Variants in VPS13B observed in about 807,000 individuals in gnomAD.
VPS13B encodes intermembrane lipid transfer protein VPS13B.
A neutral mutation model predicts 426.4 loss-of-function variants in VPS13B; 285 were observed. The ratio of observed to expected loss-of-function variants is 0.67; its 90% CI spans 0.61 to 0.74. VPS13B has a LOEUF of 0.74. VPS13B is among the 30% of genes least tolerant of loss of function. VPS13B has a pLI of 0.00. For synonymous variants in VPS13B, 1,676 were observed against 1,676.4 expected, an observed-to-expected ratio of 1.00 and a Z score of 0.01; for missense variants, 4,537 against 4,782.6, an observed-to-expected ratio of 0.95 and a Z score of 1.51.
At chr8:99,701,830 TCAAA>T (rs1389790119) in intron 36 of VPS13B, among the ~76,000 whole-genome samples, 1 of 152,124 alleles carries the variant, frequency 6.6e-6, no homozygotes, top group African/African-American at 2.4e-5. Context: ...TTATGCATAC[TCAAA>T]CAGTTTAGGA....
At chr8:99,694,370 C>G (rs1831849228) in intron 35 of VPS13B, among the ~76,000 whole-genome samples, 1 of 2,352 alleles carries the variant, frequency 4.3e-4, no homozygotes, top group South Asian at 6.8e-3. Flanking sequence ...TGGAACAGAA[C>G]AGAGCCCTCA....
At chr8:99,123,795 A>G (rs1848062262) in intron 8 of VPS13B, among the ~76,000 whole-genome samples, 1 of 152,170 alleles carries the variant, frequency 6.6e-6, no homozygotes, top group Non-Finnish European at 1.5e-5. Flanking sequence ...TTAAACAACT[A>G]GAAGAGTTGA....
intron 54 of VPS13B, among the ~76,000 whole-genome samples, chr8:99,846,891 C>T (rs1406114443): frequency 2.6e-5 from 4 of 152,244 alleles, no homozygotes; most frequent in Non-Finnish European, 5.9e-5. Flanking sequence ...TCTAAGGGGT[C>T]CTGAAGTTAT....
chr8:99,135,824 T>G (rs943814200), intron 11 of VPS13B, 91 bp downstream of exon 11: 9 of 1,529,190 alleles, frequency 5.9e-6, no homozygotes, highest in African/African-American at 1.4e-5. Context: ...TCTTTTCAAA[T>G]AATGCCTTCT....
intron 33 of VPS13B, among the ~76,000 whole-genome samples, chr8:99,620,491 G>A (rs929768573): frequency 3.3e-5 from 5 of 152,096 alleles, no homozygotes; most frequent in African/African-American, 9.7e-5. Context: ...GAGAAATAAA[G>A]GGTGGGAGGG....
At position 99,467,486 on chromosome 8, in the gene VPS13B, T is replaced by A. The variant is rs745918923; in HGVS notation, c.3518T>A (p.Leu1173His). 6.2e-7 allele frequency: 1 copy of A among 1,613,810 alleles called. No homozygotes were observed. Among genetic ancestry groups the A allele is most frequent in the African/African-American group, 1.3e-5 (1 of 75,010 alleles). The stretch of plus-strand genomic sequence containing the variant: ...ACCCTTCTTGGAAAACAAGTGACAC[T>A]TTGCCTAGTGGAACCTATGGGTTGC... ...IYTLLGKQVT[L>H]CLVEPMGCTS... Residue 1173 changes from leucine to histidine, a missense_variant, in exon 24 of 62, where the codon CTT becomes CAT. Leu to His is a moderately conservative substitution (Grantham distance 99). This residue lies in a region of VPS13B where 4,311 missense variants were observed against 4,474.3 expected (regional missense o/e 0.96). Coordinates refer to ENST00000357162, the MANE Select transcript of VPS13B (RefSeq NM_152564.5).
At chr8:99,497,222 C>T (rs1820964743) in intron 25 of VPS13B, among the ~76,000 whole-genome samples, 1 of 129,920 alleles carries the variant, frequency 7.7e-6, no homozygotes, top group Non-Finnish European at 1.6e-5. Flanking sequence ...TATATAAATA[C>T]ATGTATTTAT....
chr8:99,498,426 GATGAGTTA>G (rs113324040), intron 25 of VPS13B, among the ~76,000 whole-genome samples: 39,490 of 151,358 alleles, frequency 0.26, 5,823 homozygotes, highest in East Asian at 0.44. Flanking sequence ...TAATGTAAAT[GATGAGTTA>G]ATGAGTTAAT....
At chr8:99,164,207 G>T (rs1039788799) in intron 15 of VPS13B, among the ~76,000 whole-genome samples, 4 of 152,132 alleles carry the variant, frequency 2.6e-5, no homozygotes, top group African/African-American at 7.2e-5. Context: ...CTCGATTCTA[G>T]AGGAAACAAA....
chr8:99,864,111 A>G (rs901033545), intron 58 of VPS13B, among the ~76,000 whole-genome samples: 1 of 152,246 alleles, frequency 6.6e-6, no homozygotes, highest in African/African-American at 2.4e-5. Context: ...CAAGAAGAAC[A>G]AAGAGCGGAG....
chr8:99,679,124 T>C (rs2129960465), intron 35 of VPS13B, among the ~76,000 whole-genome samples: 1 of 152,326 alleles, frequency 6.6e-6, no homozygotes, highest in Non-Finnish European at 1.5e-5. Context: ...CTGGAATAGT[T>C]TCCCTTTCAT....
chr8:99,872,896 T>C (rs1817499417), intron 61 of VPS13B, among the ~76,000 whole-genome samples: 3 of 152,178 alleles, frequency 2.0e-5, no homozygotes, highest in Admixed American at 2.0e-4. Context: ...TTAAGATTTC[T>C]CTAGTTTCTT....
At chr8:99,789,968 G>A (rs955327801) in intron 43 of VPS13B, among the ~76,000 whole-genome samples, 6 of 151,732 alleles carry the variant, frequency 4.0e-5, no homozygotes, top group African/African-American at 1.5e-4. Context: ...TTCTTATTAA[G>A]GAGAAAGAAA....
chr8:99,086,014 A>G (rs187281107), intron 3 of VPS13B, among the ~76,000 whole-genome samples: 1 of 152,268 alleles, frequency 6.6e-6, no homozygotes, highest in East Asian at 1.9e-4. Context: ...CTGCCTTGCT[A>G]GATTGGGGAA....
intron 31 of VPS13B, among the ~76,000 whole-genome samples, chr8:99,561,147 C>G (rs1404285107): frequency 1.3e-5 from 2 of 152,128 alleles, no homozygotes; most frequent in African/African-American, 4.8e-5. Flanking sequence ...TTTCTTCACC[C>G]CAAAGTAAAA....
intron 34 of VPS13B, among the ~76,000 whole-genome samples, chr8:99,649,138 T>G (rs1346181095): frequency 6.6e-6 from 1 of 152,170 alleles, no homozygotes; most frequent in Non-Finnish European, 1.5e-5. Flanking sequence ...CTAGCTGTTT[T>G]CAAGACACCT....
At chr8:99,157,260 GTA>G (rs1811413143) in intron 15 of VPS13B, among the ~76,000 whole-genome samples, 2 of 149,518 alleles carry the variant, frequency 1.3e-5, no homozygotes, top group African/African-American at 2.5e-5. Flanking sequence ...TTGTGTGTGT[GTA>G]TGTGTGTGTG....
chr8:99,635,045 C>G (rs925475637), intron 33 of VPS13B, among the ~76,000 whole-genome samples: 4 of 151,904 alleles, frequency 2.6e-5, no homozygotes, highest in Non-Finnish European at 4.4e-5. Context: ...ACCACCCCAC[C>G]CTACCTCATC....
chr8:99,682,086 A>G (rs1667635), intron 35 of VPS13B, among the ~76,000 whole-genome samples: 20,772 of 152,306 alleles, frequency 0.14, 1,967 homozygotes, highest in East Asian at 0.39. Context: ...ATGCTGCTGA[A>G]GTTATTAAAG....
Sources: allele counts gnomAD v4.1 joint callset (sites outside exome capture counted in the v4.1 genomes callset), GRCh38; gene constraint gnomAD v4.1.1; regional missense constraint gnomAD v4.1.1; transcripts MANE v1.5; gene names NCBI Gene and HGNC (gene_info 2026-07-23, HGNC 2026-07-21).